The following PTPRF variants were observed in gnomAD, a reference collection of about 807,000 sequenced individuals.
PTPRF encodes the protein receptor-type tyrosine-protein phosphatase F.
A neutral mutation model predicts 201.8 loss-of-function variants in PTPRF; 59 were observed. The observed-to-expected ratio is 0.29, with a 90% CI of 0.24 to 0.36. The LOEUF (loss-of-function observed/expected upper bound fraction) is 0.36. Among genes scored for constraint, PTPRF ranks in the 10% least tolerant of loss-of-function variants. The pLI is 1.00. For missense variants in PTPRF, 2,132 were observed against 2,690.5 expected (o/e 0.79, Z 4.59); for synonymous variants, 1,088 against 1,089.7 (o/e 1.00, Z 0.03).
rs77869300 is a variant in PTPRF at position 43,540,534 on chromosome 1, C to T, written c.-46+2257C>T. ...GGCCTGGAGGCTTAGGGGTTACAGC[C>T]GCAGGAAGATACCTCTGCTGGTCCC... On this transcript the variant is annotated intron_variant, in intron 2 of 33. Coordinates refer to ENST00000359947, the MANE Select transcript of PTPRF (RefSeq NM_002840.5). 5.3e-5 allele frequency among the ~76,000 whole-genome samples: 8 copies of T among 152,286 alleles called. No individual in the cohort carries two copies. In the East Asian group the frequency reaches 1.2e-3, roughly 22 times the overall value.
intron 23 of PTPRF, among the ~76,000 whole-genome samples, chr1:43,616,433 T>C (rs1402139492): frequency 6.6e-6 from 1 of 151,702 alleles, no homozygotes; most frequent in Non-Finnish European, 1.5e-5. Flanking sequence ...GCTGTGGGGC[T>C]GAGTGGGTCA....
chr1:43,570,890 GT>G (rs1646522122), intron 6 of PTPRF, among the ~76,000 whole-genome samples: 2 of 152,210 alleles, frequency 1.3e-5, no homozygotes, highest in South Asian at 4.1e-4. Context: ...GGCCGGCAGT[GT>G]TTGTGGCCGC....
intron 3 of PTPRF, among the ~76,000 whole-genome samples, chr1:43,548,783 A>G (rs1376898422): frequency 1.3e-5 from 2 of 152,204 alleles, no homozygotes; most frequent in East Asian, 3.9e-4. Flanking sequence ...CTGTCTCTCC[A>G]GAAGCTCCCT....
In PTPRF at chr1:43,553,428, C is replaced by A; in HGVS notation, c.92-64C>A. The A allele has an allele frequency of 6.5e-7, 1 of 1,528,118 alleles. No individual in the cohort carries two copies. Among genetic ancestry groups the A allele is most frequent in the Non-Finnish European group, 8.9e-7 (1 of 1,119,560 alleles). 94.7% of individuals were successfully genotyped at this position (1,528,118 alleles called of 1,614,324 possible). On this transcript the variant is annotated intron_variant, in intron 3 of 33. Transcript: ENST00000359947. This position sits in a 1 kb window ranked among gnomAD's most constrained non-coding sequence, Gnocchi z 4.1. ...TTCTCTCTGCCCCCATGACTGCCACCTTCCTCACTGGCCATTCCTATAGTG... is the reference window on the plus strand; with the variant it reads ...TTCTCTCTGCCCCCATGACTGCCACATTCCTCACTGGCCATTCCTATAGTG...
chr1:43,599,933 G>A (rs913149407), intron 13 of PTPRF, among the ~76,000 whole-genome samples: 7 of 152,148 alleles, frequency 4.6e-5, no homozygotes, highest in Admixed American at 6.5e-5. Context: ...CCTCCCCATT[G>A]AGCCTCTCAC....
intron 16 of PTPRF, 23 bp from the exon 17 acceptor site, chr1:43,604,880 T>C (rs961217006): frequency 1.1e-5 from 18 of 1,607,014 alleles, no homozygotes; most frequent in Non-Finnish European, 1.5e-5. Context: ...CCAGCAGAGC[T>C]GACTCTCTCT....
intron 6 of PTPRF, among the ~76,000 whole-genome samples, chr1:43,572,669 G>A (rs1421655119): frequency 2.0e-5 from 3 of 152,286 alleles, no homozygotes; most frequent in Middle Eastern, 3.4e-3. Context: ...GCTGTTTACC[G>A]GGACCTTTAC....
chr1:43,570,516 A>T (rs575124601), intron 6 of PTPRF, among the ~76,000 whole-genome samples: 2 of 152,354 alleles, frequency 1.3e-5, no homozygotes, highest in African/African-American at 4.8e-5. Context: ...TAGCTATGGG[A>T]TGGTTGGCCT....
At chr1:43,531,857 C>G in intron 1 of PTPRF, among the ~76,000 whole-genome samples, 1 of 152,218 alleles carries the variant, frequency 6.6e-6, no homozygotes, top group Admixed American at 6.5e-5. Context: ...TCCCGGCTCC[C>G]CATCGCCGTG....
rs1645185929 is a variant in PTPRF at position 43,553,919 on chromosome 1, T to C, written c.357T>C (p.Ser119=). 3.1e-6 allele frequency: 5 copies of C among 1,614,160 alleles called. No homozygotes were observed. The East Asian group carries it at 1.1e-4, about 36-fold the overall frequency. ...ATNSLGEINT[S]AKLSVLEEEQ... ...ACAGCCTGGGTGAGATCAACACTAG[T>C]GCCAAGCTCTCAGTGCTCGAAGGTA... Residue 119 remains serine, a synonymous_variant, in exon 5 of 34, where the codon AGT becomes AGC. Transcript: ENST00000359947. This position sits in a 1 kb window ranked among gnomAD's most constrained non-coding sequence, Gnocchi z 4.1.
At chr1:43,611,212 G>T (rs1394928892) in intron 22 of PTPRF, among the ~76,000 whole-genome samples, 2 of 152,192 alleles carry the variant, frequency 1.3e-5, no homozygotes, top group Non-Finnish European at 2.9e-5. Context: ...TGGAGAGTGT[G>T]CCAGGCAGAC....
At position 43,620,539 on chromosome 1, in the gene PTPRF, C is replaced by T. The variant is rs913340844; in HGVS notation, c.5324C>T (p.Pro1775Leu). 4 of 1,614,096 alleles carry T rather than the reference C, an allele frequency of 2.5e-6. No individual in the cohort carries two copies. Among genetic ancestry groups the T allele is most frequent in the East Asian group, 2.2e-5 (1 of 44,880 alleles). Residue 1775 changes from proline (P) to leucine (L), a missense_variant, in exon 31 of 34, where the codon CCC becomes CTC. Pro to Leu is a moderately conservative substitution (Grantham distance 98). Around this residue, in one of 6 missense-constraint regions of PTPRF, gnomAD observed 519 missense variants for 659.5 expected, o/e 0.79. Coordinates refer to ENST00000359947, the MANE Select transcript of PTPRF (RefSeq NM_002840.5). ...GACCCGATGGCTGAGTACAACATGC[C>T]CCAGTATATCCTGCGTGAGTTCAAG... ...VVDPMAEYNM[P>L]QYILREFKVT...
intron 6 of PTPRF, among the ~76,000 whole-genome samples, chr1:43,575,375 G>T (rs1646853106): frequency 6.6e-6 from 1 of 152,152 alleles, no homozygotes; most frequent in Non-Finnish European, 1.5e-5. Flanking sequence ...CTGTGAGTTT[G>T]CTGAGTCCTG....
In PTPRF at chr1:43,554,178, G is replaced by T. The variant is rs74336363; in HGVS notation, c.379+237G>T. 6.6e-6 allele frequency among the ~76,000 whole-genome samples: 1 copy of T among 152,202 alleles called. No individual in the cohort carries two copies. Among genetic ancestry groups the T allele is most frequent in the African/African-American group, 2.4e-5 (1 of 41,434 alleles). ...TGCCTTTGTATTCTCCTGCTGAGCC[G>T]GGTCGTTGGTTGGGTGGGGTCTGGG... On this transcript the variant is annotated intron_variant, in intron 5 of 33. Transcript: ENST00000359947. This position sits in a 1 kb window ranked among gnomAD's most constrained non-coding sequence, Gnocchi z 4.1.
chr1:43,569,222 C>T (rs996217314), intron 5 of PTPRF, among the ~76,000 whole-genome samples: 2 of 137,232 alleles, frequency 1.5e-5, no homozygotes, highest in Admixed American at 7.2e-5. Context: ...CCTGCTAGCC[C>T]CCCCCCCCAC....
intron 5 of PTPRF, among the ~76,000 whole-genome samples, chr1:43,566,040 G>A (rs761417523): frequency 1.3e-5 from 2 of 152,342 alleles, no homozygotes; most frequent in East Asian, 1.9e-4. Flanking sequence ...GACTGTCCAC[G>A]TGTGGGGGAC....
At chr1:43,550,117 C>T (rs963790655) in intron 3 of PTPRF, among the ~76,000 whole-genome samples, 2 of 151,880 alleles carry the variant, frequency 1.3e-5, no homozygotes, top group Non-Finnish European at 2.9e-5. Context: ...TGTCTGGTCC[C>T]CCGGGCTGCC....
intron 11 of PTPRF, 81 bp downstream of exon 11, chr1:43,592,682 G>C: frequency 1.4e-6 from 2 of 1,413,556 alleles, no homozygotes; most frequent in African/African-American, 1.5e-5. Flanking sequence ...CTTCCCCCTC[G>C]ACCAGGCAGG....
Position 43,620,075 on chromosome 1 carries a change from C to A in PTPRF, c.5112-20C>A. On this transcript the variant is annotated intron_variant, in intron 29 of 33. Coordinates refer to ENST00000359947, the MANE Select transcript of PTPRF (RefSeq NM_002840.5). ...GGGGCAGCAGCACCTCCAGCATGTC[C>A]AGTCTTATGTCCACCCCAGACAGCA... The A allele has an allele frequency of 6.2e-7, 1 of 1,613,632 alleles. No homozygotes were observed. Among genetic ancestry groups the A allele is most frequent in the Non-Finnish European group, 8.5e-7 (1 of 1,179,712 alleles).
Sources: allele counts gnomAD v4.1 joint callset (sites outside exome capture counted in the v4.1 genomes callset), GRCh38; gene constraint gnomAD v4.1.1; regional missense constraint gnomAD v4.1.1; non-coding constraint Gnocchi (gnomAD v3.1); transcripts MANE v1.5; gene names NCBI Gene and HGNC (gene_info 2026-07-23, HGNC 2026-07-21).